DENND4C: variants seen among roughly 807,000 people sequenced by gnomAD.
The protein encoded by DENND4C is DENN domain-containing protein 4C.
A neutral mutation model predicts 203.0 loss-of-function variants in DENND4C; 108 were observed. That is an observed-to-expected ratio of 0.53 (90% confidence interval 0.46 to 0.62). DENND4C has a LOEUF of 0.62. Ranked by LOEUF, DENND4C falls within the 20% of genes least tolerant of loss-of-function variation. DENND4C has a pLI of 0.00. For synonymous variants in DENND4C, 871 were observed against 792.4 expected (o/e 1.10, Z -1.67); for missense variants, 2,481 against 2,301.2 (o/e 1.08, Z -1.60).
At chr9:19,326,307 G>C in intron 15 of DENND4C, 113 bp downstream of exon 15, 9 of 1,051,416 alleles carry the variant, frequency 8.6e-6, no homozygotes, top group Non-Finnish European at 1.2e-5. Flanking sequence ...TATTAGTTCA[G>C]TGAACTAATG....
rs775750213 is a variant in DENND4C, at chr9:19,370,082, AAC to A, written c.5675+99_5675+100del. 7.1e-6 allele frequency: 10 copies of A among 1,416,026 alleles called. No homozygotes were observed. The Admixed American group carries it at 1.6e-4, about 22-fold the overall frequency. The allele number at this position is 1,416,026 out of a possible 1,614,324, so 87.7% of individuals were successfully genotyped here. ...TAAAAATATCTCTAGTTGTCGAAGA[AAC>A]ACATACTCATTGCAAAACATCTATT... On this transcript the variant is annotated intron_variant, in intron 31 of 32. Transcript: ENST00000434457.
chr9:19,252,264 G>A (rs188990519), intron 1 of DENND4C, among the ~76,000 whole-genome samples: 1 of 152,134 alleles, frequency 6.6e-6, no homozygotes, highest in Non-Finnish European at 1.5e-5. Context: ...GATCTCGTGA[G>A]ACTTATTCAC....
At chr9:19,280,565 C>T (rs1383272911) in intron 2 of DENND4C, among the ~76,000 whole-genome samples, 4 of 151,680 alleles carry the variant, frequency 2.6e-5, no homozygotes, top group Admixed American at 2.6e-4. Context: ...TCTATGGTTT[C>T]CTTAAGAAGA....
chr9:19,368,202 G>C (rs1017766682), intron 30 of DENND4C, among the ~76,000 whole-genome samples: 2 of 151,318 alleles, frequency 1.3e-5, no homozygotes, highest in South Asian at 2.1e-4. Context: ...GGAAGACCTA[G>C]GATGAAAACT....
At chr9:19,304,635 C>T (rs1167335537) in intron 9 of DENND4C, among the ~76,000 whole-genome samples, 4 of 151,538 alleles carry the variant, frequency 2.6e-5, no homozygotes, top group African/African-American at 9.7e-5. Flanking sequence ...CTCCCAGATT[C>T]ACGCCATTCT....
In DENND4C at chr9:19,369,825, T is replaced by G; in HGVS notation, c.5525-12T>G. On this transcript the variant is annotated splice_polypyrimidine_tract_variant and intron_variant, in intron 30 of 32. Transcript: ENST00000434457. ...ATAATTGAAAAAAAACTTACTGTGT[T>G]CTTATTGTTAGATTCTGAAAAGAAA... 1 of 1,534,222 alleles carries G rather than the reference T, an allele frequency of 6.5e-7. No homozygotes were observed. Among genetic ancestry groups the G allele is most frequent in the Non-Finnish European group, 8.7e-7 (1 of 1,145,422 alleles).
intron 3 of DENND4C, among the ~76,000 whole-genome samples, chr9:19,287,817 C>T (rs1430840930): frequency 6.6e-6 from 1 of 152,158 alleles, no homozygotes; most frequent in East Asian, 1.9e-4. Context: ...ACTGCAACCT[C>T]CACCTCCCAG....
chr9:19,289,102 T>C (rs564053574), intron 4 of DENND4C, among the ~76,000 whole-genome samples: 32 of 152,212 alleles, frequency 2.1e-4, no homozygotes, highest in Admixed American at 5.9e-4. Context: ...TGGACTTGCT[T>C]CCTTTCTCCT....
Position 19,352,173 on chromosome 9 carries a change from T to C in DENND4C, c.4596T>C (p.Cys1532=). 6.2e-7 allele frequency: 1 copy of C among 1,613,348 alleles called. No individual in the cohort carries two copies. Among genetic ancestry groups the C allele is most frequent in the Non-Finnish European group, 8.5e-7 (1 of 1,179,506 alleles). Reference sequence around the variant, plus strand: ...GCATGTCTAGCATCTATCAGAATTGTGCAATGGAGGTAAAAGTTCTATATT... The same window carrying C: ...GCATGTCTAGCATCTATCAGAATTGCGCAATGGAGGTAAAAGTTCTATATT... ...NTSMSSIYQN[C]AMEVLMSSCS... The change falls in exon 25 of 33, where the codon TGT becomes TGC. Residue 1532 remains cysteine (C), a synonymous_variant. Transcript: ENST00000434457.
chr9:19,351,759 A>G (rs971484325), intron 24 of DENND4C, among the ~76,000 whole-genome samples: 1 of 151,276 alleles, frequency 6.6e-6, no homozygotes, highest in Non-Finnish European at 1.5e-5. Flanking sequence ...GTGAGCCGAG[A>G]TTGTACCACT....
In DENND4C at chr9:19,346,654, A is replaced by G; in HGVS notation, c.3885A>G (p.Leu1295=). The change falls in exon 23 of 33, where the codon CTA becomes CTG. Residue 1295 remains leucine, a synonymous_variant. Coordinates refer to ENST00000434457, the MANE Select transcript of DENND4C (RefSeq NM_001330640.2). ...GCTATATGAACCTAAAAAGTCCCCT[A>G]GGTAGTAAATCTTCTAGTATGGAAT... ...IESYMNLKSP[L]GSKSSSMELH... The G allele has an allele frequency of 6.2e-7, 1 of 1,614,162 alleles. No individual in the cohort carries two copies.
chr9:19,244,706 C>T (rs1190349303), intron 1 of DENND4C, among the ~76,000 whole-genome samples: 2 of 148,518 alleles, frequency 1.3e-5, no homozygotes, highest in African/African-American at 5.0e-5. Flanking sequence ...TGCCACTGCA[C>T]TCCAGCCTGG....
At chr9:19,252,183 G>A (rs762418071) in intron 1 of DENND4C, among the ~76,000 whole-genome samples, 29 of 152,284 alleles carry the variant, frequency 1.9e-4, no homozygotes, top group South Asian at 6.2e-4. Flanking sequence ...AGCAAGTCAC[G>A]TCTTATGTGA....
chr9:19,266,815 C>G (rs1830603898), intron 1 of DENND4C, among the ~76,000 whole-genome samples: 2 of 152,100 alleles, frequency 1.3e-5, no homozygotes, highest in South Asian at 2.1e-4. Context: ...ACACCTTATA[C>G]AAAAATTAAT....
rs1197975090 is a variant in DENND4C, at chr9:19,372,833, C to G, written c.*660C>G. Reference sequence around the variant, plus strand: ...GGAGATCACGCCACTGCAACTCCAGCTTGGGTGACAGAGTGAGACCGTCTC... The same window carrying G: ...GGAGATCACGCCACTGCAACTCCAGGTTGGGTGACAGAGTGAGACCGTCTC... On this transcript the variant is annotated 3_prime_UTR_variant, in exon 33 of 33. Coordinates refer to ENST00000434457, the MANE Select transcript of DENND4C (RefSeq NM_001330640.2). 7.8e-6 allele frequency: 1 copy of G among 128,906 alleles called. No individual in the cohort carries two copies. Among genetic ancestry groups the G allele is most frequent in the Non-Finnish European group, 1.5e-5 (1 of 65,288 alleles). 8.0% of individuals were successfully genotyped at this position (128,906 alleles called of 1,614,324 possible).
chr9:19,306,294 G>A (rs1839642360), intron 10 of DENND4C, among the ~76,000 whole-genome samples: 1 of 152,132 alleles, frequency 6.6e-6, no homozygotes, highest in African/African-American at 2.4e-5. Context: ...TCCAACAGTA[G>A]AATTCGTTGG....
chr9:19,343,045 T>A (rs902827865), intron 22 of DENND4C, among the ~76,000 whole-genome samples: 5 of 152,202 alleles, frequency 3.3e-5, no homozygotes, highest in Non-Finnish European at 5.9e-5. Context: ...CCACTCTTTC[T>A]CATTATAGAT....
At chr9:19,328,528 G>T (rs1416657931) in intron 16 of DENND4C, among the ~76,000 whole-genome samples, 1 of 152,068 alleles carries the variant, frequency 6.6e-6, no homozygotes, top group African/African-American at 2.4e-5. Flanking sequence ...CAGGAGAATC[G>T]CTTGAACCTG....
chr9:19,252,734 C>T (rs923983844), intron 1 of DENND4C, among the ~76,000 whole-genome samples: 10 of 146,728 alleles, frequency 6.8e-5, no homozygotes, highest in African/African-American at 2.6e-4. Flanking sequence ...CACACACACA[C>T]ACACACATAC....
Sources: allele counts gnomAD v4.1 joint callset (sites outside exome capture counted in the v4.1 genomes callset), GRCh38; gene constraint gnomAD v4.1.1; transcripts MANE v1.5; gene names NCBI Gene and HGNC (gene_info 2026-07-23, HGNC 2026-07-21).